Variants in AKR1C3 observed in about 807,000 individuals in gnomAD.
AKR1C3 encodes aldo-keto reductase family 1 member C3.
Under a neutral mutation model 43.6 loss-of-function variants are expected in AKR1C3, and 48 were observed. The observed-to-expected ratio is 1.10, with a 90% confidence interval of 0.87 to 1.40. The LOEUF (loss-of-function observed/expected upper bound fraction) is 1.40, where lower values mean the gene tolerates loss of function less well. Ranked by LOEUF, AKR1C3 falls within the 40% of genes most tolerant of loss-of-function variation. The pLI, the probability that AKR1C3 is intolerant of heterozygous loss-of-function variation, is 0.00. For synonymous variants in AKR1C3, 162 were observed against 139.6 expected, an observed-to-expected ratio of 1.16 and a Z score of -1.13; for missense variants, 482 against 391.2, an observed-to-expected ratio of 1.23 and a Z score of -1.96.
chr10:5,100,620 TTTA>T (rs782615294), intron 5 of AKR1C3, among the ~76,000 whole-genome samples: 1 of 152,230 alleles, frequency 6.6e-6, no homozygotes, highest in Admixed American at 6.5e-5. Flanking sequence ...TTTACACTTT[TTTA>T]TTCTTTTATA....
Position 5,107,605 on chromosome 10 carries a change from T to A in AKR1C3, c.*102T>A. 1.1e-6 allele frequency: 1 copy of A among 915,414 alleles called. No individual in the cohort carries two copies. Among genetic ancestry groups the A allele is most frequent in the East Asian group, 2.6e-5 (1 of 39,014 alleles). The allele number at this position is 915,414 out of a possible 1,614,324, so 56.7% of individuals were successfully genotyped here. A position where few individuals can be genotyped will look rare whatever the true frequency, so the allele number is the denominator to read the frequency against. On this transcript the variant is annotated 3_prime_UTR_variant, in exon 9 of 9. Transcript: ENST00000380554. ...ACTGGACATATCACCTCTACTTAAA[T>A]CCGTCCTGTTTAGCGACTTCAGTCA...
upstream of AKR1C3, among the ~76,000 whole-genome samples, chr10:5,091,496 C>G (rs1554784164): frequency 1.4e-4 from 21 of 151,618 alleles, no homozygotes; most frequent in Non-Finnish European, 2.9e-5. Context: ...GCTTTTTGTC[C>G]TTCATATCCT....
chr10:5,054,332 T>G (rs1838215955), intron 1 of AKR1C3, among the ~76,000 whole-genome samples: 1 of 152,254 alleles, frequency 6.6e-6, no homozygotes, highest in Non-Finnish European at 1.5e-5. Context: ...GCTATTCCGG[T>G]TCCTGTAGCA....
At chr10:5,088,192 A>G (rs781791554) in intron 1 of AKR1C3, among the ~76,000 whole-genome samples, 9 of 152,162 alleles carry the variant, frequency 5.9e-5, no homozygotes, top group Non-Finnish European at 1.2e-4. Flanking sequence ...AATACTTGAT[A>G]TGATTTTGAG....
chr10:5,091,874 T>C (rs1554784252), upstream of AKR1C3, among the ~76,000 whole-genome samples: 4 of 152,160 alleles, frequency 2.6e-5, no homozygotes. Context: ...TTGCCATATG[T>C]ATACCTTTAG....
intron 8 of AKR1C3, 56 bp from the exon 9 acceptor site, chr10:5,107,405 C>G: frequency 8.2e-7 from 1 of 1,223,372 alleles, no homozygotes; most frequent in South Asian, 1.2e-5. Flanking sequence ...AATCACTTTA[C>G]TACTCCCCTA....
intron 2 of AKR1C3, among the ~76,000 whole-genome samples, chr10:5,097,163 G>C (rs1183735039): frequency 1.3e-5 from 2 of 151,948 alleles, no homozygotes; most frequent in Non-Finnish European, 2.9e-5. Flanking sequence ...AGATAATTCA[G>C]GTAACATCAT....
upstream of AKR1C3, among the ~76,000 whole-genome samples, chr10:5,093,179 C>T (rs1554784582): frequency 6.6e-6 from 1 of 152,054 alleles, no homozygotes; most frequent in African/African-American, 2.4e-5. Context: ...ATCTCTTGCC[C>T]TTGGCATCAT....
chr10:5,056,889 G>A (rs1444158298), intron 1 of AKR1C3, among the ~76,000 whole-genome samples: 1 of 152,184 alleles, frequency 6.6e-6, no homozygotes, highest in Non-Finnish European at 1.5e-5. Context: ...GGCTGTCCCA[G>A]GATTCCTCGG....
intron 1 of AKR1C3, among the ~76,000 whole-genome samples, chr10:5,095,458 TAA>T (rs1174826033): frequency 6.7e-6 from 1 of 149,932 alleles, no homozygotes; most frequent in Non-Finnish European, 1.5e-5. Context: ...TTGGCACACT[TAA>T]AGACTGCTCT....
At chr10:5,100,616 C>G (rs1839322601) in intron 5 of AKR1C3, among the ~76,000 whole-genome samples, 1 of 152,134 alleles carries the variant, frequency 6.6e-6, no homozygotes, top group Non-Finnish European at 1.5e-5. Flanking sequence ...CTAATTTACA[C>G]TTTTTTATTC....
intron 1 of AKR1C3, among the ~76,000 whole-genome samples, chr10:5,059,053 G>C (rs887403670): frequency 1.8e-4 from 27 of 152,132 alleles, no homozygotes; most frequent in African/African-American, 6.3e-4. Flanking sequence ...TGAATAGGAA[G>C]GATACAATTT....
In AKR1C3 at chr10:5,102,608, G is replaced by C; in HGVS notation, c.804G>C (p.Leu268=). 1 of 1,521,062 alleles carries C rather than the reference G, an allele frequency of 6.6e-7. No individual in the cohort carries two copies. Among genetic ancestry groups the C allele is most frequent in the African/African-American group, 1.4e-5 (1 of 72,182 alleles). The allele number at this position is 1,521,062 out of a possible 1,614,324, so 94.2% of individuals were successfully genotyped here. A position where few individuals can be genotyped will look rare whatever the true frequency, so the allele number is the denominator to read the frequency against. ...AGCTGCAGCGTGGGGTTGTGGTCCTGGCCAAGAGCTACAATGAGCAGCGCA... is the reference window on the plus strand; with the variant it reads ...AGCTGCAGCGTGGGGTTGTGGTCCTCGCCAAGAGCTACAATGAGCAGCGCA... The part of the protein sequence containing the change: ...RYQLQRGVVV[L]AKSYNEQRIR... Residue 268 remains leucine (L), a synonymous_variant, in exon 7 of 9, where the codon CTG becomes CTC. Transcript: ENST00000380554.
Position 5,106,753 on chromosome 10 carries a change from C to CA in AKR1C3, c.930-697dup, listed in dbSNP as rs782740812. Among the ~76,000 whole-genome samples, 253 of 136,080 alleles carry CA rather than the reference C, an allele frequency of 1.9e-3. 1 individual carries two copies. In the South Asian group the frequency reaches 0.021, roughly 11 times the overall value. The allele number at this position is 136,080 out of a possible 152,430, so 89.3% of individuals were successfully genotyped here. A position where few individuals can be genotyped will look rare whatever the true frequency, so the allele number is the denominator to read the frequency against. ...TGAATGACAGAGTGAGGCTCCATCT[C>CA]AAAAAAAAAAAGCAGGAAGTTATGT... On this transcript the variant is annotated intron_variant, in intron 8 of 8. Transcript: ENST00000380554.
At chr10:5,072,427 A>T (rs1554781406) in intron 1 of AKR1C3, among the ~76,000 whole-genome samples, 1 of 152,210 alleles carries the variant, frequency 6.6e-6, no homozygotes, top group Non-Finnish European at 1.5e-5. Context: ...TTCTATGCTC[A>T]TGTCTTAGAC....
chr10:5,065,702 A>G (rs375935798), intron 1 of AKR1C3, among the ~76,000 whole-genome samples: 23 of 152,252 alleles, frequency 1.5e-4, no homozygotes, highest in Admixed American at 1.1e-3. Context: ...TGCCCTATGT[A>G]AATGAAGAGG....
At chr10:5,076,404 G>GTC (rs10612196) in intron 1 of AKR1C3, among the ~76,000 whole-genome samples, 1,697 of 150,648 alleles carry the variant, frequency 0.011, 14 homozygotes, top group African/African-American at 0.025. Flanking sequence ...TGTTCTCTCT[G>GTC]TCTCTCTCTC....
At chr10:5,082,019 T>C (rs1023183892) in intron 1 of AKR1C3, 5 of 152,174 alleles carry the variant, frequency 3.3e-5, no homozygotes, top group Non-Finnish European at 7.4e-5. Context: ...CTTAGAAGGA[T>C]CATTGTACTT....
chr10:5,079,472 A>C (rs1172072646), intron 1 of AKR1C3, among the ~76,000 whole-genome samples: 28 of 152,188 alleles, frequency 1.8e-4, no homozygotes, highest in African/African-American at 6.3e-4. Context: ...AGAGGAGAAA[A>C]GCATTTCTCT....
Sources: allele counts gnomAD v4.1 joint callset (sites outside exome capture counted in the v4.1 genomes callset), GRCh38; gene constraint gnomAD v4.1.1; transcripts MANE v1.5; gene names NCBI Gene and HGNC (gene_info 2026-07-23, HGNC 2026-07-21).